The following PKD1L1 variants were observed in gnomAD, a reference collection of about 807,000 sequenced individuals.
PKD1L1 encodes the protein polycystin 1 like 1, transient receptor potential channel interacting.
In PKD1L1, 236 loss-of-function variants were observed where a neutral mutation model predicts 323.4. The observed-to-expected ratio is 0.73, with a 90% CI of 0.66 to 0.81. PKD1L1 has a LOEUF of 0.81. PKD1L1 is among the 40% of genes least tolerant of loss of function. The probability of loss-of-function intolerance (pLI) is 0.00; values close to 1 mark genes in which losing one functional copy is unlikely to be tolerated. For missense variants in PKD1L1, 3,320 were observed against 3,508.0 expected (o/e 0.95, Z 1.35); for synonymous variants, 1,344 against 1,335.0 (o/e 1.01, Z -0.15).
chr7:47,902,571 T>C (rs1787116737), intron 12 of PKD1L1, 60 bp from the exon 13 acceptor site: 1 of 1,569,246 alleles, frequency 6.4e-7, no homozygotes, highest in Admixed American at 1.7e-5. Context: ...CAGGCTTTCA[T>C]TCACTCTTCA....
At chr7:47,876,639 C>A (rs1476761084) in intron 22 of PKD1L1, among the ~76,000 whole-genome samples, 2 of 152,040 alleles carry the variant, frequency 1.3e-5, no homozygotes, top group Admixed American at 1.3e-4. Flanking sequence ...CTCTGGAGGA[C>A]AAGGGTGGGG....
chr7:47,956,498 G>T, the PKD1L1 span, among the ~76,000 whole-genome samples: 1 of 152,172 alleles, frequency 6.6e-6, no homozygotes, highest in Non-Finnish European at 1.5e-5. Context: ...CACTACACGG[G>T]CTGTAGCGTT....
At chr7:47,829,313 T>C in intron 44 of PKD1L1, 112 bp downstream of exon 44, 7 of 1,043,716 alleles carry the variant, frequency 6.7e-6, no homozygotes, top group Non-Finnish European at 9.4e-6. Flanking sequence ...ATCCCATGGG[T>C]CTCCAAAGAT....
chr7:47,905,621 C>T (rs1266576912), intron 10 of PKD1L1, among the ~76,000 whole-genome samples: 1 of 152,192 alleles, frequency 6.6e-6, no homozygotes, highest in Non-Finnish European at 1.5e-5. Context: ...GATAACAGTC[C>T]CGATAACCCA....
At chr7:47,819,639 A>C in intron 46 of PKD1L1, 4 of 1,182,598 alleles carry the variant, frequency 3.4e-6, no homozygotes, top group Non-Finnish European at 4.6e-6. Context: ...TACAATGCTC[A>C]GCAGAAAAAA....
Position 47,821,178 on chromosome 7 carries a change from GA to G in PKD1L1, c.6862del (p.Ser2288ProfsTer13). On this transcript the variant is annotated frameshift_variant, in exon 46 of 57. Coordinates refer to ENST00000289672, the MANE Select transcript of PKD1L1 (RefSeq NM_138295.5). LOFTEE classifies it high-confidence loss of function. ...CAGAAGCAGCATGAGGATGTCCATG[GA>G]AATGTCTCTGTAAGAAGAGTTTTTA... is the stretch of plus-strand genomic sequence containing the variant. ...SRTRAALRDI[S>X]MDILMLLLLL... The G allele has an allele frequency of 6.2e-7, 1 of 1,602,016 alleles. No individual in the cohort carries two copies. The highest frequency in any genetic ancestry group is 1.7e-4 in the Middle Eastern group (1 of 6,046).
chr7:47,875,845 AC>A (rs1177228604), intron 23 of PKD1L1, among the ~76,000 whole-genome samples: 1 of 152,210 alleles, frequency 6.6e-6, no homozygotes, highest in African/African-American at 2.4e-5. Flanking sequence ...ATATGAAAAA[AC>A]ATTCTCTGGC....
chr7:47,882,149 A>G (rs1583645118), intron 19 of PKD1L1, 64 bp from the exon 20 acceptor site: 12 of 1,501,204 alleles, frequency 8.0e-6, no homozygotes, highest in South Asian at 1.2e-5. Flanking sequence ...TTAAAGCATT[A>G]GTGATTCAAT....
At chr7:47,853,089 T>A in intron 31 of PKD1L1, 38 bp downstream of exon 31, 1 of 1,396,374 alleles carries the variant, frequency 7.2e-7, no homozygotes, top group Non-Finnish European at 1.0e-6. Flanking sequence ...TTTAATCATG[T>A]AAACAGAAAG....
At chr7:47,926,166 A>G (rs887275585) in intron 7 of PKD1L1, among the ~76,000 whole-genome samples, 1 of 152,202 alleles carries the variant, frequency 6.6e-6, no homozygotes, top group Non-Finnish European at 1.5e-5. Flanking sequence ...GATAAGAAAC[A>G]TTTACAATCT....
upstream of PKD1L1, among the ~76,000 whole-genome samples, chr7:47,952,434 T>A (rs951081551): frequency 6.6e-6 from 1 of 152,326 alleles, no homozygotes; most frequent in Middle Eastern, 3.4e-3. Flanking sequence ...CAACAGGGAC[T>A]GGCCTTGCTC....
At chr7:47,822,661 GAAT>G (rs1785168508) in intron 45 of PKD1L1, among the ~76,000 whole-genome samples, 1 of 128,490 alleles carries the variant, frequency 7.8e-6, no homozygotes, top group Admixed American at 8.0e-5. Flanking sequence ...AAATTAGAAA[GAAT>G]AGACTTCTGA....
rs759292307 is a variant in PKD1L1 at position 47,834,373 on chromosome 7, C to A, written c.6140G>T (p.Trp2047Leu). 10 of 1,613,930 alleles carry A rather than the reference C, an allele frequency of 6.2e-6. No homozygotes were observed. The highest frequency in any genetic ancestry group is 8.5e-6 in the Non-Finnish European group (10 of 1,179,832). ...CTCCTGTGCGTCTGGTATCCTTCCC[C>A]AGGAATTAGGACCTGATTCAAAAAA... ...QTEAPHGPNS[W>L]GRIPDAQEPR... The change falls in exon 40 of 57, where the codon TGG (tryptophan) becomes TTG (leucine). Residue 2047 changes from tryptophan (W) to leucine (L), a missense_variant. Trp to Leu is a moderately conservative substitution (Grantham distance 61). Transcript: ENST00000289672.
chr7:47,784,396 A>G (rs1786761805), intron 56 of PKD1L1, among the ~76,000 whole-genome samples: 1 of 152,248 alleles, frequency 6.6e-6, no homozygotes, highest in Admixed American at 6.5e-5. Flanking sequence ...CTTAGAAAAA[A>G]TAAGAACCAT....
intron 3 of PKD1L1, among the ~76,000 whole-genome samples, chr7:47,937,261 G>T (rs1311412365): frequency 8.8e-4 from 3 of 3,412 alleles, no homozygotes; most frequent in East Asian, 0.083. Flanking sequence ...GGTGGGGGTG[G>T]GGGGGGGGGG....
At chr7:47,864,628 CTTTCT>C (rs1562964080) in intron 26 of PKD1L1, among the ~76,000 whole-genome samples, 4 of 139,382 alleles carry the variant, frequency 2.9e-5, no homozygotes, top group South Asian at 2.3e-4. Context: ...TTCTTTCTTT[CTTTCT>C]TTCCTTCCTT....
chr7:47,918,423 A>G (rs1017641694), intron 7 of PKD1L1, among the ~76,000 whole-genome samples: 8 of 152,004 alleles, frequency 5.3e-5, no homozygotes, highest in South Asian at 2.1e-4. Context: ...GGGGACTTCA[A>G]TACTCCACTG....
chr7:47,947,287 C>T (rs1788116484), intron 1 of PKD1L1, among the ~76,000 whole-genome samples: 1 of 152,240 alleles, frequency 6.6e-6, no homozygotes. Flanking sequence ...GAAATGCTGA[C>T]AGCAAGCATT....
Position 47,829,489 on chromosome 7 carries a change from G to A in PKD1L1, c.6671C>T (p.Ser2224Phe). The change falls in exon 44 of 57, where the codon TCC becomes TTC. Residue 2224 changes from serine to phenylalanine, a missense_variant. Physicochemically the swap from Ser to Phe is radical, Grantham distance 155. Coordinates refer to ENST00000289672, the MANE Select transcript of PKD1L1 (RefSeq NM_138295.5). ...RDLDSELAERSWTRLPFSSSC... is the reference protein window; with the variant it reads ...RDLDSELAERFWTRLPFSSSC... ...TGAAGAGAAGGGGAGGCGAGTCCAG[G>A]AACGTTCTGCCAATTCAGAGTCCAG... is the stretch of plus-strand genomic sequence containing the variant. 2 of 1,614,134 alleles carry A rather than the reference G, an allele frequency of 1.2e-6. No homozygotes were observed. Among genetic ancestry groups the A allele is most frequent in the Non-Finnish European group, 1.7e-6 (2 of 1,180,030 alleles).
Sources: gnomAD v4.1 joint callset for allele counts (sites outside exome capture counted in the v4.1 genomes callset) on GRCh38, gnomAD v4.1.1 for gene constraint, MANE v1.5 for transcripts, NCBI Gene and HGNC (gene_info 2026-07-23, HGNC 2026-07-21) for gene names.